Variants in GIMD1 observed in about 807,000 individuals in gnomAD.
The protein encoded by GIMD1 is GTPase IMAP family member GIMD1.
Under a neutral mutation model 14.9 loss-of-function variants are expected in GIMD1, and 14 were observed. The observed-to-expected ratio is 0.94, with a 90% CI of 0.62 to 1.47. The LOEUF is 1.47. Among genes scored for constraint, GIMD1 ranks in the 40% most tolerant of loss-of-function variants. The pLI is 0.00. For synonymous variants in GIMD1, 91 were observed against 90.5 expected (o/e 1.01, Z -0.03); for missense variants, 272 against 255.3 (o/e 1.07, Z -0.44).
At chr4:106,368,468 C>T (rs983465794) in intron 1 of GIMD1, among the ~76,000 whole-genome samples, 6 of 152,140 alleles carry the variant, frequency 3.9e-5, no homozygotes, top group African/African-American at 1.4e-4. Flanking sequence ...TCCTTCTTGT[C>T]CTTTAATGCC....
At chr4:106,360,689 G>C (rs972877919) in intron 2 of GIMD1, among the ~76,000 whole-genome samples, 14 of 152,036 alleles carry the variant, frequency 9.2e-5, no homozygotes, top group African/African-American at 3.4e-4. Flanking sequence ...GTGAGTCCCT[G>C]TCTAGTATGA....
chr4:106,367,529 C>T, intron 1 of GIMD1, 92 bp from the exon 2 acceptor site: 8 of 1,224,710 alleles, frequency 6.5e-6, no homozygotes, highest in Admixed American at 5.5e-5. Flanking sequence ...ACTCCAAGTA[C>T]GATTTTAGAT....
intron 2 of GIMD1, among the ~76,000 whole-genome samples, chr4:106,366,230 A>G (rs748908252): frequency 1.3e-5 from 2 of 152,266 alleles, no homozygotes; most frequent in Middle Eastern, 3.4e-3. Context: ...GAAGTTCTGA[A>G]TTGTTTCCCT....
rs1770713100 is a variant in GIMD1, at chr4:106,367,071, T to C, written c.365A>G (p.Glu122Gly). 1 of 1,532,560 alleles carries C rather than the reference T, an allele frequency of 6.5e-7. No homozygotes were observed. Among genetic ancestry groups the C allele is most frequent in the Non-Finnish European group, 8.7e-7 (1 of 1,144,994 alleles). 94.9% of individuals were successfully genotyped at this position (1,532,560 alleles called of 1,614,324 possible). A position where few individuals can be genotyped will look rare whatever the true frequency, so the allele number is the denominator to read the frequency against. ...GATCATCTGGACTGGGTCAGTTACTTCCTGCCCACAGAAAGGCACATCTGC... is the reference window on the plus strand; with the variant it reads ...GATCATCTGGACTGGGTCAGTTACTCCCTGCCCACAGAAAGGCACATCTGC... ...QRADVPFCGQEVTDPVQMIQE... is the reference protein window; with the variant it reads ...QRADVPFCGQGVTDPVQMIQE... The change falls in exon 2 of 3, where the codon GAA (glutamate) becomes GGA (glycine). Residue 122 changes from glutamate to glycine, a missense_variant. Coordinates refer to ENST00000638719, the MANE Select transcript of GIMD1 (RefSeq NM_001195138.2).
Position 106,358,302 on chromosome 4 carries a change from G to T in GIMD1, c.535C>A (p.His179Asn). 3 of 1,533,508 alleles carry T rather than the reference G, an allele frequency of 2.0e-6. No individual in the cohort carries two copies. Among genetic ancestry groups the T allele is most frequent in the Non-Finnish European group, 2.6e-6 (3 of 1,145,284 alleles). The allele number at this position is 1,533,508 out of a possible 1,614,324, so 95.0% of individuals were successfully genotyped here. A position where few individuals can be genotyped will look rare whatever the true frequency, so the allele number is the denominator to read the frequency against. Residue 179 changes from histidine to asparagine, a missense_variant, in exon 3 of 3, where the codon CAC (histidine) becomes AAC (asparagine). Transcript: ENST00000638719. ...TTTTTGTACTGGAAAACGTATTTGT[G>T]CTGAATAGAATTTAGCAGCGTTTTC... is the stretch of plus-strand genomic sequence containing the variant. ...TLKTLLNSIQ[H>N]KYVFQYKKGK...
chr4:106,363,200 A>T (rs944651194), intron 2 of GIMD1, among the ~76,000 whole-genome samples: 1 of 152,196 alleles, frequency 6.6e-6, no homozygotes, highest in African/African-American at 2.4e-5. Flanking sequence ...CAATGAAATA[A>T]TAATGGCCAG....
intron 2 of GIMD1, among the ~76,000 whole-genome samples, chr4:106,362,436 T>A (rs1770626858): frequency 6.6e-6 from 1 of 152,056 alleles, no homozygotes; most frequent in Admixed American, 6.6e-5. Context: ...TGTTAATAAT[T>A]TAAATATAGT....
chr4:106,360,455 G>C (rs1770595901), intron 2 of GIMD1, among the ~76,000 whole-genome samples: 1 of 151,956 alleles, frequency 6.6e-6, no homozygotes, highest in Non-Finnish European at 1.5e-5. Context: ...AGCAAAATTA[G>C]CAGACCTCTT....
chr4:106,358,569 T>C (rs921452987), intron 2 of GIMD1, 126 bp from the exon 3 acceptor site: 6 of 684,644 alleles, frequency 8.8e-6, no homozygotes, highest in Non-Finnish European at 1.1e-5. Context: ...AAAGCTGATA[T>C]ACAATGTAGG....
chr4:106,358,575 G>A (rs1770569381), intron 2 of GIMD1, 132 bp from the exon 3 acceptor site: 2 of 649,548 alleles, frequency 3.1e-6, no homozygotes, highest in African/African-American at 1.9e-5. Flanking sequence ...GATATACAAT[G>A]TAGGAAATGA....
At chr4:106,364,264 A>C (rs1157916442) in intron 2 of GIMD1, among the ~76,000 whole-genome samples, 1 of 152,194 alleles carries the variant, frequency 6.6e-6, no homozygotes, top group Admixed American at 6.6e-5. Flanking sequence ...CATGGGAAAG[A>C]AGAAGCTACT....
chr4:106,361,906 A>G (rs1385853183), intron 2 of GIMD1, among the ~76,000 whole-genome samples: 4 of 152,066 alleles, frequency 2.6e-5, no homozygotes, highest in African/African-American at 9.7e-5. Context: ...ACACAGAATT[A>G]TTTTCTTTCT....
intron 2 of GIMD1, 75 bp from the exon 3 acceptor site, chr4:106,358,518 C>T: frequency 9.0e-7 from 1 of 1,105,920 alleles, no homozygotes. Flanking sequence ...TTATTACGGT[C>T]CAATATAGAT....
At chr4:106,363,252 A>G (rs1054568156) in intron 2 of GIMD1, among the ~76,000 whole-genome samples, 3 of 152,092 alleles carry the variant, frequency 2.0e-5, no homozygotes, top group East Asian at 3.9e-4. Context: ...TGCCTAAGCT[A>G]TATCATTTAC....
At position 106,358,453 on chromosome 4, in the gene GIMD1, A is replaced by C. The variant is rs1770567097; in HGVS notation, c.394-10T>G. On this transcript the variant is annotated splice_polypyrimidine_tract_variant and intron_variant, in intron 2 of 2. Transcript: ENST00000638719. Reference sequence around the variant, plus strand: ...CATGTCCAAGAAGTTCCTGAAAGAGAGAAGTTAGATAACTATTGAACTTGA... The same window carrying C: ...CATGTCCAAGAAGTTCCTGAAAGAGCGAAGTTAGATAACTATTGAACTTGA... 6.7e-7 allele frequency: 1 copy of C among 1,501,496 alleles called. No homozygotes were observed. Among genetic ancestry groups the C allele is most frequent in the African/African-American group, 1.4e-5 (1 of 70,752 alleles). 93.0% of individuals were successfully genotyped at this position (1,501,496 alleles called of 1,614,324 possible). A position where few individuals can be genotyped will look rare whatever the true frequency, so the allele number is the denominator to read the frequency against.
intron 2 of GIMD1, among the ~76,000 whole-genome samples, chr4:106,363,678 A>G (rs751671898): frequency 1.9e-4 from 29 of 152,132 alleles, no homozygotes; most frequent in Non-Finnish European, 2.2e-4. Context: ...TCATACACCT[A>G]TGAAGTAATT....
At chr4:106,366,980 C>T (rs1770711933) in intron 2 of GIMD1, 63 bp downstream of exon 2, 5 of 496,018 alleles carry the variant, frequency 1.0e-5, no homozygotes, top group Non-Finnish European at 1.6e-5. Flanking sequence ...TATTATTATA[C>T]TATTAGGATA....
At chr4:106,366,655 T>A (rs1770703290) in intron 2 of GIMD1, among the ~76,000 whole-genome samples, 1 of 152,126 alleles carries the variant, frequency 6.6e-6, no homozygotes, top group Non-Finnish European at 1.5e-5. Context: ...TTTGGATCAA[T>A]CTTCTTTAAC....
rs1052234060 is a variant in GIMD1, at chr4:106,367,487, C to G, written c.-2-50G>C. 1.7e-5 allele frequency: 24 copies of G among 1,447,400 alleles called. No homozygotes were observed. The African/African-American group carries it at 3.3e-4, about 20-fold the overall frequency. The allele number at this position is 1,447,400 out of a possible 1,614,324, so 89.7% of individuals were successfully genotyped here. Reference sequence around the variant, plus strand: ...CGCATAATTAGGCTTCTACATTCCCCCAATGTAAGTTTTCTTACCTGGCCT... The same window carrying G: ...CGCATAATTAGGCTTCTACATTCCCGCAATGTAAGTTTTCTTACCTGGCCT... On this transcript the variant is annotated intron_variant, in intron 1 of 2. Transcript: ENST00000638719.
Sources: gnomAD v4.1 joint callset for allele counts (sites outside exome capture counted in the v4.1 genomes callset) on GRCh38, gnomAD v4.1.1 for gene constraint, MANE v1.5 for transcripts, NCBI Gene and HGNC (gene_info 2026-07-23, HGNC 2026-07-21) for gene names.